Variants in PTPRN2 observed in about 807,000 individuals in gnomAD.
PTPRN2 encodes the protein receptor-type tyrosine-protein phosphatase N2.
PTPRN2 carries 74 observed loss-of-function variants against 118.8 expected under a neutral mutation model. The observed-to-expected ratio is 0.62, with a 90% confidence interval of 0.52 to 0.76. The LOEUF is 0.76. PTPRN2 is among the 30% of genes least tolerant of loss of function. The pLI is 0.00. For missense variants in PTPRN2, 1,481 were observed against 1,394.4 expected (o/e 1.06, Z -0.99); for synonymous variants, 641 against 608.0 (o/e 1.05, Z -0.80).
chr7:157,942,711 C>T (rs907561038), intron 11 of PTPRN2, among the ~76,000 whole-genome samples: 2 of 152,102 alleles, frequency 1.3e-5, no homozygotes, highest in Admixed American at 6.5e-5. Context: ...ATCACACCCC[C>T]ACAACCCTGT....
chr7:158,290,682 CACA>C (rs547075687), intron 3 of PTPRN2, among the ~76,000 whole-genome samples: 1 of 152,138 alleles, frequency 6.6e-6, no homozygotes, highest in Non-Finnish European at 1.5e-5. Context: ...CATCTCTCAC[CACA>C]ACATGCTGCT....
chr7:157,692,650 C>T (rs1396123352), intron 12 of PTPRN2, among the ~76,000 whole-genome samples: 1 of 152,228 alleles, frequency 6.6e-6, no homozygotes, highest in African/African-American at 2.4e-5. Flanking sequence ...TCGCATCGGG[C>T]CATGGTTCCC....
At chr7:157,892,280 C>T (rs1227837591) in intron 12 of PTPRN2, among the ~76,000 whole-genome samples, 1 of 152,234 alleles carries the variant, frequency 6.6e-6, no homozygotes, top group African/African-American at 2.4e-5. Context: ...CTGCCTTTAT[C>T]CAAATTATTT....
chr7:157,955,450 C>T (rs949945262), intron 11 of PTPRN2, among the ~76,000 whole-genome samples: 1 of 152,056 alleles, frequency 6.6e-6, no homozygotes, highest in Non-Finnish European at 1.5e-5. Context: ...GAGGGCTTAC[C>T]AGTAATTTTT....
chr7:157,906,432 T>C (rs896646950), intron 11 of PTPRN2, among the ~76,000 whole-genome samples: 2 of 152,230 alleles, frequency 1.3e-5, no homozygotes, highest in African/African-American at 2.4e-5. Context: ...TTTCAGCCCA[T>C]TCTCTTTCCC....
chr7:157,639,568 G>A (rs1351563240), intron 14 of PTPRN2, among the ~76,000 whole-genome samples: 2 of 152,260 alleles, frequency 1.3e-5, no homozygotes, highest in African/African-American at 2.4e-5. Context: ...GAAATCCCCA[G>A]GAATCCAAGC....
chr7:158,168,067 AG>A (rs1294040367), intron 5 of PTPRN2, among the ~76,000 whole-genome samples: 1 of 152,218 alleles, frequency 6.6e-6, no homozygotes, highest in Admixed American at 6.5e-5. Flanking sequence ...GGAACTCCCA[AG>A]CTGTTTTCCA....
At chr7:158,564,260 CA>C (rs76122454) in intron 1 of PTPRN2, among the ~76,000 whole-genome samples, 33,076 of 150,980 alleles carry the variant, frequency 0.22, 3,991 homozygotes, top group South Asian at 0.41. Context: ...AGTATTATGA[CA>C]AAAAAAAAGG....
intron 6 of PTPRN2, among the ~76,000 whole-genome samples, chr7:158,145,077 G>A (rs1160313327): frequency 2.0e-5 from 3 of 150,064 alleles, no homozygotes; most frequent in Non-Finnish European, 3.0e-5. Flanking sequence ...ATCGCGAGAA[G>A]GTTCCAGAAT....
At chr7:158,559,840 C>T (rs558587072) in intron 1 of PTPRN2, among the ~76,000 whole-genome samples, 4 of 152,320 alleles carry the variant, frequency 2.6e-5, no homozygotes, top group African/African-American at 9.6e-5. Context: ...CAGCTGTTGT[C>T]TCCCCACTTA....
At chr7:158,528,582 T>C (rs1451337246) in intron 1 of PTPRN2, among the ~76,000 whole-genome samples, 2 of 150,816 alleles carry the variant, frequency 1.3e-5, no homozygotes, top group South Asian at 2.1e-4. Flanking sequence ...GTCAGGAGAT[T>C]GAGACCATCC....
Position 158,121,643 on chromosome 7 carries a change from C to T in PTPRN2, c.1557-10728G>A, listed in dbSNP as rs531681404. Among the ~76,000 whole-genome samples, 64 of 152,342 alleles carry T rather than the reference C, an allele frequency of 4.2e-4. 1 individual carries two copies. The South Asian group carries it at 0.013, about 30-fold the overall frequency. ...TGGGCCCAGCCCTCTGCCCTCCATG[C>T]TCCAATATGGAAACCAACAGAAGCA... is the stretch of plus-strand genomic sequence containing the variant. On this transcript the variant is annotated intron_variant, in intron 9 of 22. Coordinates refer to ENST00000389418, the MANE Select transcript of PTPRN2 (RefSeq NM_002847.5).
At chr7:157,589,692 T>C (rs1329145359) in intron 17 of PTPRN2, among the ~76,000 whole-genome samples, 3 of 152,254 alleles carry the variant, frequency 2.0e-5, no homozygotes, top group Non-Finnish European at 4.4e-5. Flanking sequence ...ACAGCCAAAC[T>C]CGTGTTCCTA....
intron 15 of PTPRN2, among the ~76,000 whole-genome samples, chr7:157,607,073 G>C (rs943775491): frequency 2.0e-5 from 3 of 152,240 alleles, no homozygotes; most frequent in African/African-American, 7.2e-5. Flanking sequence ...CTGAACGAAG[G>C]TGTGAATGAT....
chr7:158,298,447 T>G, intron 3 of PTPRN2, among the ~76,000 whole-genome samples: 1 of 152,260 alleles, frequency 6.6e-6, no homozygotes, highest in East Asian at 1.9e-4. Flanking sequence ...TGAAATATCT[T>G]GGGGACAGGA....
At chr7:158,470,084 C>T (rs1819742275) in intron 2 of PTPRN2, among the ~76,000 whole-genome samples, 1 of 152,100 alleles carries the variant, frequency 6.6e-6, no homozygotes, top group African/African-American at 2.4e-5. Flanking sequence ...TGCATCACAA[C>T]GGGCTGCCAT....
chr7:157,569,370 C>A (rs1411448744), intron 20 of PTPRN2, among the ~76,000 whole-genome samples: 1 of 152,246 alleles, frequency 6.6e-6, no homozygotes, highest in Non-Finnish European at 1.5e-5. Flanking sequence ...ACCTCCCGAG[C>A]GGAGAGGGGA....
At chr7:158,099,017 C>A (rs1361694554) in intron 10 of PTPRN2, among the ~76,000 whole-genome samples, 8 of 86,510 alleles carry the variant, frequency 9.2e-5, no homozygotes, top group Non-Finnish European at 1.4e-4. Context: ...CAACACATCC[C>A]GGCTGCCTCC....
intron 5 of PTPRN2, among the ~76,000 whole-genome samples, chr7:158,171,306 C>CATATATATAT (rs1554571662): frequency 9.0e-5 from 3 of 33,434 alleles, no homozygotes; most frequent in African/African-American, 2.0e-4. Flanking sequence ...TATATATACA[C>CATATATATAT]ACATATATAT....
Sources: gnomAD v4.1 joint callset for allele counts (sites outside exome capture counted in the v4.1 genomes callset) on GRCh38, gnomAD v4.1.1 for gene constraint, MANE v1.5 for transcripts, NCBI Gene and HGNC (gene_info 2026-07-23, HGNC 2026-07-21) for gene names.